Variants in DOCK3 observed in about 807,000 individuals in gnomAD.
DOCK3 encodes dedicator of cytokinesis 3.
Under a neutral mutation model 265.6 loss-of-function variants are expected in DOCK3, and 60 were observed. That is an observed-to-expected ratio of 0.23 (90% confidence interval 0.18 to 0.28). The LOEUF (loss-of-function observed/expected upper bound fraction) is 0.28. DOCK3 is among the 10% of genes least tolerant of loss of function. The pLI is 1.00. For missense variants in DOCK3, 1,981 were observed against 2,594.3 expected, an observed-to-expected ratio of 0.76 and a Z score of 5.14; for synonymous variants, 881 against 938.0, an observed-to-expected ratio of 0.94 and a Z score of 1.11.
intron 2 of DOCK3, among the ~76,000 whole-genome samples, chr3:50,779,452 C>T (rs1358254377): frequency 6.6e-6 from 1 of 152,114 alleles, no homozygotes; most frequent in Non-Finnish European, 1.5e-5. Flanking sequence ...GGTGCGATCT[C>T]AGCTCACTGC....
intron 4 of DOCK3, among the ~76,000 whole-genome samples, chr3:50,923,014 A>G (rs1046450288): frequency 1.3e-5 from 2 of 152,088 alleles, no homozygotes; most frequent in East Asian, 3.9e-4. Flanking sequence ...AGAACATACT[A>G]TTCTTGGTTT....
chr3:50,823,696 G>A (rs2044591434), intron 2 of DOCK3, among the ~76,000 whole-genome samples: 2 of 152,198 alleles, frequency 1.3e-5, no homozygotes, highest in Non-Finnish European at 2.9e-5. Context: ...CTCCCAGACG[G>A]GGTGGTGGCC....
intron 5 of DOCK3, among the ~76,000 whole-genome samples, chr3:51,029,573 G>A (rs1485319658): frequency 6.6e-6 from 1 of 152,216 alleles, no homozygotes; most frequent in Non-Finnish European, 1.5e-5. Context: ...GGCTTTGGTG[G>A]AACCCCCTGA....
intron 2 of DOCK3, among the ~76,000 whole-genome samples, chr3:50,811,860 T>G (rs2043778775): frequency 6.6e-6 from 1 of 152,202 alleles, no homozygotes; most frequent in Non-Finnish European, 1.5e-5. Context: ...ATATAAATAA[T>G]TGTTAACTAG....
chr3:50,856,470 G>A (rs2046602205), intron 3 of DOCK3, among the ~76,000 whole-genome samples: 1 of 151,552 alleles, frequency 6.6e-6, no homozygotes, highest in Admixed American at 6.6e-5. Flanking sequence ...ATGTTTGTTG[G>A]CCACATGTAT....
intron 5 of DOCK3, among the ~76,000 whole-genome samples, chr3:50,940,289 CAAAA>C (rs34253657): frequency 4.3e-5 from 5 of 117,358 alleles, no homozygotes; most frequent in Non-Finnish European, 7.1e-5. Flanking sequence ...CCATTTCTAC[CAAAA>C]AAAAAAAAAA....
intron 1 of DOCK3, among the ~76,000 whole-genome samples, chr3:50,737,951 C>A (rs901334985): frequency 3.9e-5 from 6 of 152,084 alleles, no homozygotes; most frequent in Non-Finnish European, 7.4e-5. Context: ...TGTCATAATT[C>A]CTTATTTGTG....
At chr3:50,680,020 T>C (rs995932740) in intron 1 of DOCK3, among the ~76,000 whole-genome samples, 3 of 152,054 alleles carry the variant, frequency 2.0e-5, no homozygotes, top group Non-Finnish European at 4.4e-5. Flanking sequence ...AAGTGCTGAG[T>C]TGAGATTTGA....
chr3:50,811,391 G>A (rs1479536138), intron 2 of DOCK3, among the ~76,000 whole-genome samples: 1 of 151,988 alleles, frequency 6.6e-6, no homozygotes, highest in Non-Finnish European at 1.5e-5. Context: ...GTGACAGAAT[G>A]AGAACCTGTT....
intron 32 of DOCK3, among the ~76,000 whole-genome samples, chr3:51,325,609 A>T (rs959398493): frequency 1.3e-5 from 2 of 152,230 alleles, no homozygotes; most frequent in African/African-American, 4.8e-5. Flanking sequence ...AGACACATGC[A>T]CATGTATGTT....
intron 5 of DOCK3, among the ~76,000 whole-genome samples, chr3:51,007,394 A>G (rs1188879774): frequency 6.6e-6 from 1 of 152,018 alleles, no homozygotes; most frequent in Non-Finnish European, 1.5e-5. Flanking sequence ...GCATTTTTTC[A>G]TGTGTCTGTT....
At chr3:51,028,005 G>A (rs1274669653) in intron 5 of DOCK3, among the ~76,000 whole-genome samples, 3 of 152,072 alleles carry the variant, frequency 2.0e-5, no homozygotes, top group Non-Finnish European at 2.9e-5. Flanking sequence ...TTTGTAGGCT[G>A]GAATGGTAGT....
chr3:50,918,642 T>C (rs1300687903), intron 4 of DOCK3, among the ~76,000 whole-genome samples: 2 of 152,224 alleles, frequency 1.3e-5, no homozygotes, highest in African/African-American at 4.8e-5. Context: ...TTAAGTTCTT[T>C]GTAGATTCTG....
intron 2 of DOCK3, among the ~76,000 whole-genome samples, chr3:50,782,256 T>A (rs1414003786): frequency 6.6e-6 from 1 of 151,988 alleles, no homozygotes; most frequent in Non-Finnish European, 1.5e-5. Context: ...GTTTAAGCAT[T>A]CTTTTATCTC....
chr3:51,220,437 A>AC (rs1297229294), intron 14 of DOCK3, among the ~76,000 whole-genome samples: 1 of 151,900 alleles, frequency 6.6e-6, no homozygotes, highest in Non-Finnish European at 1.5e-5. Context: ...CAGGCAGATC[A>AC]CCTGAGGTCA....
intron 12 of DOCK3, among the ~76,000 whole-genome samples, chr3:51,167,613 T>G (rs1237036961): frequency 6.6e-6 from 1 of 152,182 alleles, no homozygotes; most frequent in Non-Finnish European, 1.5e-5. Context: ...TTTGTGTCTT[T>G]TTCAATTTCT....
chr3:51,147,574 A>G (rs949194189), intron 10 of DOCK3, among the ~76,000 whole-genome samples: 2 of 152,142 alleles, frequency 1.3e-5, no homozygotes, highest in Admixed American at 6.5e-5. Flanking sequence ...CCCACCTATC[A>G]GTGAGAACAT....
intron 4 of DOCK3, chr3:50,893,228 A>G (rs1469515786): frequency 3.4e-6 from 1 of 296,820 alleles, no homozygotes; most frequent in Non-Finnish European, 6.6e-6. Flanking sequence ...TACATGACAC[A>G]ATCAAAGGAA....
chr3:51,331,824 C>G (rs1033744060), intron 33 of DOCK3, among the ~76,000 whole-genome samples: 1 of 152,146 alleles, frequency 6.6e-6, no homozygotes, highest in African/African-American at 2.4e-5. Flanking sequence ...TGAAAAATCT[C>G]CAAAAGGAGG....
Sources: gnomAD v4.1 joint callset for allele counts (sites outside exome capture counted in the v4.1 genomes callset) on GRCh38, gnomAD v4.1.1 for gene constraint, MANE v1.5 for transcripts, NCBI Gene and HGNC (gene_info 2026-07-23, HGNC 2026-07-21) for gene names.